OTOGL: variants seen among roughly 807,000 people sequenced by gnomAD.
The protein encoded by OTOGL is otogelin like, also known as otogelin-like protein.
A neutral mutation model predicts 318.5 loss-of-function variants in OTOGL; 285 were observed. The ratio of observed to expected loss-of-function variants is 0.89; its 90% CI spans 0.81 to 0.99. The LOEUF is 0.99. OTOGL is among the 50% of genes least tolerant of loss of function. The pLI is 0.00. For synonymous variants in OTOGL, 987 were observed against 936.5 expected (o/e 1.05, Z -0.99); for missense variants, 2,899 against 2,845.6 (o/e 1.02, Z -0.43).
chr12:80,373,591 A>T (rs899677471), intron 57 of OTOGL, among the ~76,000 whole-genome samples: 3 of 151,976 alleles, frequency 2.0e-5, no homozygotes, highest in African/African-American at 7.2e-5. Flanking sequence ...ATATTTTTAG[A>T]TATGTAGAGT....
At chr12:80,255,481 A>G (rs1284862549) in intron 16 of OTOGL, among the ~76,000 whole-genome samples, 2 of 152,042 alleles carry the variant, frequency 1.3e-5, no homozygotes, top group Non-Finnish European at 2.9e-5. Context: ...TTTAAAAAGT[A>G]GTACGTATAG....
chr12:80,218,996 C>T lies in OTOGL; in HGVS notation c.236-818C>T, dbSNP rs115107938. On this transcript the variant is annotated intron_variant, in intron 5 of 58. Coordinates refer to ENST00000547103, the MANE Select transcript of OTOGL (RefSeq NM_001378609.3). ...AAAGAATGTGTCATTTGTAATTGAG[C>T]CTGAGGATTAATATACAAACCTCAA... is the stretch of plus-strand genomic sequence containing the variant. 3.5e-3 allele frequency among the ~76,000 whole-genome samples: 527 copies of T among 151,784 alleles called. 7 individuals are homozygous for T. Among genetic ancestry groups the T allele is most frequent in the African/African-American group, 0.012 (504 of 41,408 alleles).
chr12:80,264,081 G>A (rs989012470), intron 19 of OTOGL, among the ~76,000 whole-genome samples: 2 of 152,006 alleles, frequency 1.3e-5, no homozygotes, highest in African/African-American at 4.8e-5. Flanking sequence ...CCTTAGTAGT[G>A]AAAAAACTGA....
chr12:80,147,618 T>C (rs1872481821), intron 1 of OTOGL, among the ~76,000 whole-genome samples: 1 of 151,976 alleles, frequency 6.6e-6, no homozygotes, highest in Non-Finnish European at 1.5e-5. Context: ...CTTGTTGACT[T>C]TCTGTCTCCT....
chr12:80,185,116 G>A (rs1875193761), intron 1 of OTOGL, among the ~76,000 whole-genome samples: 1 of 152,142 alleles, frequency 6.6e-6, no homozygotes, highest in Non-Finnish European at 1.5e-5. Flanking sequence ...GTTAACACAT[G>A]TAAATGGCAT....
chr12:80,226,666 A>C (rs1878886884), intron 7 of OTOGL, among the ~76,000 whole-genome samples: 1 of 152,056 alleles, frequency 6.6e-6, no homozygotes, highest in African/African-American at 2.4e-5. Flanking sequence ...CTTGGTTCCC[A>C]CCGATGTCTA....
At chr12:80,132,619 A>G (rs751484654) in intron 1 of OTOGL, 2 of 151,414 alleles carry the variant, frequency 1.3e-5, no homozygotes, top group Non-Finnish European at 2.9e-5. Flanking sequence ...CAATGAAGGT[A>G]TTAAACTATT....
intron 27 of OTOGL, 52 bp downstream of exon 27, chr12:80,297,013 AAAATAG>A: frequency 7.2e-7 from 1 of 1,381,686 alleles, no homozygotes; most frequent in Non-Finnish European, 9.7e-7. Flanking sequence ...GAGGATACTG[AAAATAG>A]AATAGAAATG....
At chr12:80,217,691 A>G (rs1565905412) in intron 5 of OTOGL, 27 bp downstream of exon 5, 6 of 1,446,968 alleles carry the variant, frequency 4.1e-6, no homozygotes, top group Non-Finnish European at 5.6e-6. Flanking sequence ...AGGTTTTCAT[A>G]TTTGCTTTCT....
intron 1 of OTOGL, among the ~76,000 whole-genome samples, chr12:80,207,525 A>G (rs1028151465): frequency 2.0e-5 from 3 of 152,128 alleles, no homozygotes; most frequent in African/African-American, 4.8e-5. Context: ...GAAATTTTTA[A>G]GTCAAGCAAA....
chr12:80,208,071 T>G (rs540527552), intron 1 of OTOGL: 3 of 440,142 alleles, frequency 6.8e-6, no homozygotes, highest in South Asian at 4.8e-5. Flanking sequence ...TGTACATGTG[T>G]GTGTGCTGGA....
chr12:80,122,672 A>G (rs1193443864), intron 1 of OTOGL, among the ~76,000 whole-genome samples: 1 of 152,104 alleles, frequency 6.6e-6, no homozygotes, highest in East Asian at 1.9e-4. Flanking sequence ...CATTCCCCAG[A>G]TGCTGTCTTT....
At chr12:80,337,036 A>G in intron 42 of OTOGL, 32 bp downstream of exon 42, 1 of 1,441,666 alleles carries the variant, frequency 6.9e-7, no homozygotes, top group Non-Finnish European at 9.5e-7. Context: ...TTTTTCTCAC[A>G]TTAGATGAAA....
At position 80,262,090 on chromosome 12, in the gene OTOGL, AACAGT is replaced by A; in HGVS notation, c.2013_2014+3del. 3 of 1,604,022 alleles carry A rather than the reference AACAGT, an allele frequency of 1.9e-6. No individual in the cohort carries two copies. Among genetic ancestry groups the A allele is most frequent in the Non-Finnish European group, 2.6e-6 (3 of 1,174,452 alleles). Reference sequence around the variant, plus strand: ...GGACCCCTGTAACATCAATCAACAAAACAGTAAGTTTTGCATGTAAACTTCCTTTC... The same window carrying A: ...GGACCCCTGTAACATCAATCAACAAAAAGTTTTGCATGTAAACTTCCTTTC... On this transcript the variant is annotated splice_donor_variant and coding_sequence_variant, in exon 19 of 59. Transcript: ENST00000547103. LOFTEE classifies it high-confidence loss of function.
intron 23 of OTOGL, 76 bp downstream of exon 23, chr12:80,270,230 A>G (rs1883306529): frequency 2.4e-6 from 3 of 1,230,766 alleles, no homozygotes; most frequent in Admixed American, 2.0e-5. Flanking sequence ...GAAGTCATCA[A>G]TCACCTCTTC....
intron 1 of OTOGL, among the ~76,000 whole-genome samples, chr12:80,124,942 A>G (rs1282756173): frequency 6.6e-6 from 1 of 152,216 alleles, no homozygotes; most frequent in Non-Finnish European, 1.5e-5. Context: ...TTTTGGGCTG[A>G]GACAATGGGG....
intron 18 of OTOGL, among the ~76,000 whole-genome samples, chr12:80,259,604 C>T (rs1182274052): frequency 1.3e-5 from 2 of 151,974 alleles, no homozygotes; most frequent in African/African-American, 4.8e-5. Context: ...CATTGCTCAA[C>T]TCCCACTTAT....
At chr12:80,199,027 G>A (rs1475236801) in intron 1 of OTOGL, among the ~76,000 whole-genome samples, 1 of 152,128 alleles carries the variant, frequency 6.6e-6, no homozygotes, top group Non-Finnish European at 1.5e-5. Context: ...TTGTATATGT[G>A]TACATATATG....
chr12:80,241,058 GT>G (rs1233307480), intron 11 of OTOGL, among the ~76,000 whole-genome samples: 1 of 152,020 alleles, frequency 6.6e-6, no homozygotes, highest in African/African-American at 2.4e-5. Context: ...CTAGTTTTTA[GT>G]TTAGTAAAAC....
Sources: allele counts gnomAD v4.1 joint callset (sites outside exome capture counted in the v4.1 genomes callset), GRCh38; gene constraint gnomAD v4.1.1; transcripts MANE v1.5; gene names NCBI Gene and HGNC (gene_info 2026-07-23, HGNC 2026-07-21).